Variants in PWWP2A observed in about 807,000 individuals in gnomAD.
PWWP2A encodes the protein PWWP domain-containing protein 2A.
A neutral mutation model predicts 48.5 loss-of-function variants in PWWP2A; 18 were observed. That is an observed-to-expected ratio of 0.37 (90% CI 0.26 to 0.55). The LOEUF (loss-of-function observed/expected upper bound fraction) is 0.55, where lower values mean the gene tolerates loss of function less well. PWWP2A is among the 20% of genes least tolerant of loss of function. PWWP2A has a pLI of 0.81. For missense variants in PWWP2A, 867 were observed against 976.4 expected, an observed-to-expected ratio of 0.89 and a Z score of 1.49; for synonymous variants, 396 against 387.7, an observed-to-expected ratio of 1.02 and a Z score of -0.25.
At chr5:160,097,282 A>C (rs1033358965) in intron 1 of PWWP2A, among the ~76,000 whole-genome samples, 8 of 134,808 alleles carry the variant, frequency 5.9e-5, no homozygotes, top group Non-Finnish European at 1.5e-5. Context: ...GGCTTCAGTG[A>C]GCCATGTTCG....
intron 5 of PWWP2A, among the ~76,000 whole-genome samples, chr5:160,062,911 T>C (rs920551834): frequency 6.6e-6 from 1 of 152,162 alleles, no homozygotes; most frequent in African/African-American, 2.4e-5. Context: ...CTGCCCTGTC[T>C]TTCTCTTGCT....
Position 160,091,963 on chromosome 5 carries a change from T to TATATATATGTGTATATATAC in PWWP2A, c.*399_*418dup, listed in dbSNP as rs1486699750. ...ACACAGTGACAGGCTGTATTTCATA[T>TATATATATGTGTATATATAC]ATATATATGTGTATATATACATATA... On this transcript the variant is annotated 3_prime_UTR_variant, in exon 2 of 2. Coordinates refer to ENST00000307063, the MANE Select transcript of PWWP2A (RefSeq NM_001130864.2). The TATATATATGTGTATATATAC allele has an allele frequency of 6.4e-6, 6 of 930,460 alleles. No individual in the cohort carries two copies. The highest frequency in any genetic ancestry group is 7.7e-6 in the Non-Finnish European group (6 of 781,834). 57.6% of individuals were successfully genotyped at this position (930,460 alleles called of 1,614,324 possible).
intron 1 of PWWP2A, chr5:160,117,771 G>C (rs1447966064): frequency 2.0e-6 from 1 of 500,392 alleles, no homozygotes; most frequent in African/African-American, 2.1e-5. Context: ...CCCCAAATGG[G>C]AAAGAAGGAT....
intron 5 of PWWP2A, among the ~76,000 whole-genome samples, chr5:160,063,075 A>G (rs992366761): frequency 1.3e-5 from 2 of 152,206 alleles, no homozygotes; most frequent in Admixed American, 1.3e-4. Flanking sequence ...CCTGGAGAAC[A>G]GCCATCCCAG....
chr5:160,119,259 C>G lies in PWWP2A; in HGVS notation c.130G>C (p.Ala44Pro). The G allele has an allele frequency of 1.4e-6, 2 of 1,406,784 alleles. No individual in the cohort carries two copies. The highest frequency in any genetic ancestry group is 1.8e-6 in the Non-Finnish European group (2 of 1,090,716). The allele number at this position is 1,406,784 out of a possible 1,614,324, so 87.1% of individuals were successfully genotyped here. A position where few individuals can be genotyped will look rare whatever the true frequency, so the allele number is the denominator to read the frequency against. The change falls in exon 1 of 2, where the codon GCC becomes CCC. Residue 44 changes from alanine (A) to proline (P), a missense_variant. This residue lies in a region of PWWP2A where 385 missense variants were observed against 396.9 expected (regional missense o/e 0.97). Coordinates refer to ENST00000307063, the MANE Select transcript of PWWP2A (RefSeq NM_001130864.2). ...CCATCCGGCACAGACGCTTCAGTGGCCGTGACCGGGAGGGGGTCAGTGCCG... is the reference window on the plus strand; with the variant it reads ...CCATCCGGCACAGACGCTTCAGTGGGCGTGACCGGGAGGGGGTCAGTGCCG... Reference protein sequence around the residue: ...EAGTDPLPVTATEASVPDGET... With the variant: ...EAGTDPLPVTPTEASVPDGET...
chr5:160,108,720 G>T, intron 1 of PWWP2A: 1 of 492,360 alleles, frequency 2.0e-6, no homozygotes, highest in Non-Finnish European at 3.7e-6. Context: ...GTTTCCTAAG[G>T]AAATCATCAA....
At chr5:160,069,042 T>G (rs1753681554) in intron 2 of PWWP2A, among the ~76,000 whole-genome samples, 1 of 151,980 alleles carries the variant, frequency 6.6e-6, no homozygotes, top group South Asian at 2.1e-4. Context: ...ATCCTAGCAC[T>G]TTGGGAGGCT....
At chr5:160,087,599 A>C (rs1023002758), downstream of PWWP2A, among the ~76,000 whole-genome samples, 2 of 152,218 alleles carry the variant, frequency 1.3e-5, no homozygotes, top group African/African-American at 4.8e-5. Flanking sequence ...AATTTCTATC[A>C]AAACTAAATT....
At chr5:160,045,824 C>T in the PWWP2A span, among the ~76,000 whole-genome samples, 1 of 152,014 alleles carries the variant, frequency 6.6e-6, no homozygotes, top group African/African-American at 2.4e-5. Flanking sequence ...CTCACTGCAA[C>T]CTCTGCCTCC....
intron 1 of PWWP2A, among the ~76,000 whole-genome samples, chr5:160,104,545 G>T (rs1399259499): frequency 6.6e-6 from 1 of 152,176 alleles, no homozygotes; most frequent in Non-Finnish European, 1.5e-5. Context: ...GCTCACACCT[G>T]TAATCCTAGC....
At chr5:160,109,770 AAAAAATATATATATATATATATAT>A in intron 1 of PWWP2A, among the ~76,000 whole-genome samples, 1 of 38,172 alleles carries the variant, frequency 2.6e-5, no homozygotes, top group Admixed American at 4.0e-4. Context: ...AAAAAAAAAA[AAAAAATATATATATATATATATAT>A]ATATATATAT....
At chr5:160,070,373 T>C (rs1753713144) in intron 2 of PWWP2A, among the ~76,000 whole-genome samples, 1 of 151,854 alleles carries the variant, frequency 6.6e-6, no homozygotes, top group Non-Finnish European at 1.5e-5. Flanking sequence ...GTTGGGAGGC[T>C]GAGGCAGGAG....
chr5:160,065,077 A>G, intron 4 of PWWP2A: 3 of 1,606,542 alleles, frequency 1.9e-6, no homozygotes, highest in Non-Finnish European at 2.5e-6. Context: ...AAAGATAACA[A>G]AAGCTTTACA....
At chr5:160,044,659 T>C in the PWWP2A span, among the ~76,000 whole-genome samples, 1 of 152,256 alleles carries the variant, frequency 6.6e-6, no homozygotes, top group Non-Finnish European at 1.5e-5. Context: ...TCCATCGCCA[T>C]CTTGGCTTTG....
downstream of PWWP2A, among the ~76,000 whole-genome samples, chr5:160,088,858 A>C (rs1754845287): frequency 6.6e-6 from 1 of 152,218 alleles, no homozygotes; most frequent in Admixed American, 6.5e-5. Flanking sequence ...TCCAATTCCC[A>C]ATTCAGTTAT....
the PWWP2A span, among the ~76,000 whole-genome samples, chr5:160,050,627 CTTTT>C: frequency 2.7e-5 from 3 of 109,336 alleles, no homozygotes; most frequent in Non-Finnish European, 5.5e-5. Flanking sequence ...CCAAACAAAA[CTTTT>C]TTTTTTTTTT....
At chr5:160,065,374 A>T (rs764365042) in intron 4 of PWWP2A, 2 of 508,838 alleles carry the variant, frequency 3.9e-6, no homozygotes, top group Middle Eastern at 5.9e-4. Flanking sequence ...ACACACACAC[A>T]GCCCAGCAAA....
downstream of PWWP2A, among the ~76,000 whole-genome samples, chr5:160,059,410 T>TTGGCTTAAGGGAATGTTG (rs1757636272): frequency 6.6e-6 from 1 of 152,254 alleles, no homozygotes; most frequent in Non-Finnish European, 1.5e-5. Flanking sequence ...ATCCAAGGCT[T>TTGGCTTAAGGGAATGTTG]TGGCTTAAGG....
chr5:160,112,923 C>T (rs541951596), intron 1 of PWWP2A, among the ~76,000 whole-genome samples: 23 of 152,078 alleles, frequency 1.5e-4, no homozygotes, highest in African/African-American at 5.5e-4. Flanking sequence ...TTTGGGAGGC[C>T]GAGGAGGAGG....
Sources: gnomAD v4.1 joint callset for allele counts (sites outside exome capture counted in the v4.1 genomes callset) on GRCh38, gnomAD v4.1.1 for gene constraint, gnomAD v4.1.1 regional missense constraint, MANE v1.5 for transcripts, NCBI Gene and HGNC (gene_info 2026-07-23, HGNC 2026-07-21) for gene names.